The following ARSB variants were observed in gnomAD, a reference collection of about 807,000 sequenced individuals.
ARSB encodes N-acetylgalactosamine-4-sulfatase.
ARSB carries 41 observed loss-of-function variants against 50.9 expected under a neutral mutation model. The ratio of observed to expected loss-of-function variants is 0.81; its 90% CI spans 0.63 to 1.04. The LOEUF is 1.04. Ranked by LOEUF, ARSB falls within the 50% of genes least tolerant of loss-of-function variation. The pLI is 0.00. For missense variants in ARSB, 672 were observed against 693.3 expected (o/e 0.97, Z 0.35); for synonymous variants, 269 against 284.8 (o/e 0.94, Z 0.56).
intron 5 of ARSB, among the ~76,000 whole-genome samples, chr5:78,864,770 T>A (rs1746626663): frequency 6.6e-6 from 1 of 152,154 alleles, no homozygotes; most frequent in African/African-American, 2.4e-5. Context: ...GATACAGACA[T>A]TGGGTAAATC....
chr5:78,866,270 A>G (rs1746728021), intron 5 of ARSB, among the ~76,000 whole-genome samples: 1 of 152,134 alleles, frequency 6.6e-6, no homozygotes, highest in East Asian at 1.9e-4. Flanking sequence ...GTTTTACATG[A>G]ATGGCAGCAG....
chr5:78,834,556 A>G (rs1459946230), intron 6 of ARSB, among the ~76,000 whole-genome samples: 1 of 144,740 alleles, frequency 6.9e-6, no homozygotes, highest in East Asian at 2.0e-4. Flanking sequence ...AGCATGTATT[A>G]GAATTTCTTT....
chr5:78,792,077 C>T (rs12108732), intron 6 of ARSB, among the ~76,000 whole-genome samples: 4,393 of 152,020 alleles, frequency 0.029, 204 homozygotes, highest in African/African-American at 0.099. Flanking sequence ...TTTAAGAAAG[C>T]TTATGAATTT....
At chr5:78,854,642 T>C (rs1438870119) in intron 5 of ARSB, among the ~76,000 whole-genome samples, 1 of 152,250 alleles carries the variant, frequency 6.6e-6, no homozygotes, top group Non-Finnish European at 1.5e-5. Flanking sequence ...CTTGTTTCTC[T>C]TTCTCCTTTG....
intron 5 of ARSB, among the ~76,000 whole-genome samples, chr5:78,862,272 G>T (rs919680490): frequency 6.6e-6 from 1 of 152,086 alleles, no homozygotes; most frequent in Non-Finnish European, 1.5e-5. Flanking sequence ...CTACTTTAAA[G>T]TTCAGATGGA....
chr5:78,899,793 T>A (rs1433015151), intron 4 of ARSB, among the ~76,000 whole-genome samples: 1 of 152,214 alleles, frequency 6.6e-6, no homozygotes, highest in Non-Finnish European at 1.5e-5. Flanking sequence ...CAGAAGCTAA[T>A]AGTCGCCATC....
At chr5:78,842,099 C>CCA (rs56103705) in intron 5 of ARSB, among the ~76,000 whole-genome samples, 12,230 of 149,606 alleles carry the variant, frequency 0.082, 1,125 homozygotes, top group African/African-American at 0.22. Context: ...CCCTCCACCA[C>CCA]CACACACACA....
chr5:78,985,526 C>G (rs1343267411), upstream of ARSB: 1 of 258,964 alleles, frequency 3.9e-6, no homozygotes, highest in Non-Finnish European at 7.2e-6. Flanking sequence ...GGCCCGTTAT[C>G]TTCCCCGGCA....
intron 4 of ARSB, among the ~76,000 whole-genome samples, chr5:78,946,722 C>A (rs756986208): frequency 1.3e-5 from 2 of 152,108 alleles, no homozygotes; most frequent in Admixed American, 1.3e-4. Flanking sequence ...TCTACAGATT[C>A]AATGCAATCC....
intron 4 of ARSB, among the ~76,000 whole-genome samples, chr5:78,940,358 T>C (rs1219287317): frequency 6.6e-6 from 1 of 152,236 alleles, no homozygotes; most frequent in East Asian, 1.9e-4. Flanking sequence ...TCCTTGCCCA[T>C]GCCTATGTCC....
intron 1 of ARSB, among the ~76,000 whole-genome samples, chr5:78,976,834 G>A (rs1418007870): frequency 6.6e-6 from 1 of 152,146 alleles, no homozygotes; most frequent in Admixed American, 6.5e-5. Context: ...TTTAATGGGT[G>A]GGCAGCATTA....
At position 78,969,157 on chromosome 5, in the gene ARSB, G is replaced by A. The variant is rs769942372; in HGVS notation, c.348C>T (p.Pro116=). The change falls in exon 2 of 8, where the codon CCC becomes CCT. Residue 116 remains proline (P), a synonymous_variant. Transcript: ENST00000264914. The part of the protein sequence containing the change: ...RTGLQHQIIW[P]CQPSCVPLDE... ...CCAGAGGAACACAGCTGGGCTGACA[G>A]GGCCAGATTATTTGGTGCTGTAAAC... The A allele has an allele frequency of 6.2e-7, 1 of 1,614,184 alleles. No homozygotes were observed. Among genetic ancestry groups the A allele is most frequent in the East Asian group, 2.2e-5 (1 of 44,880 alleles).
intron 6 of ARSB, among the ~76,000 whole-genome samples, chr5:78,812,061 C>T (rs1743828434): frequency 6.6e-6 from 1 of 152,156 alleles, no homozygotes; most frequent in Admixed American, 6.5e-5. Flanking sequence ...GTGCCACATC[C>T]TTGCATGTGC....
At chr5:78,930,882 C>G (rs1015086293) in intron 4 of ARSB, among the ~76,000 whole-genome samples, 5 of 152,226 alleles carry the variant, frequency 3.3e-5, no homozygotes, top group Admixed American at 2.6e-4. Flanking sequence ...GGTCCCCCAC[C>G]AAGAGCTTAG....
At chr5:78,850,824 T>C (rs942019186) in intron 5 of ARSB, among the ~76,000 whole-genome samples, 1 of 152,252 alleles carries the variant, frequency 6.6e-6, no homozygotes, top group Non-Finnish European at 1.5e-5. Context: ...CCGTTTCTTC[T>C]AGATTTTCTA....
At chr5:78,981,596 T>C (rs1234746269) in intron 1 of ARSB, among the ~76,000 whole-genome samples, 2 of 152,218 alleles carry the variant, frequency 1.3e-5, no homozygotes, top group Non-Finnish European at 2.9e-5. Flanking sequence ...TAGAGTTAAA[T>C]TAATTTAGAG....
intron 1 of ARSB, among the ~76,000 whole-genome samples, chr5:78,983,618 G>A (rs1052555758): frequency 1.3e-5 from 2 of 152,156 alleles, no homozygotes; most frequent in Non-Finnish European, 2.9e-5. Flanking sequence ...GCCAAGGTCA[G>A]AACCGCCAAA....
chr5:78,961,486 G>T (rs189273219), intron 3 of ARSB, among the ~76,000 whole-genome samples: 29 of 152,208 alleles, frequency 1.9e-4, no homozygotes, highest in Non-Finnish European at 3.1e-4. Flanking sequence ...TACGAACAGC[G>T]GCTATGGTAA....
chr5:78,970,763 G>A (rs62377891), intron 1 of ARSB, among the ~76,000 whole-genome samples: 28,548 of 152,100 alleles, frequency 0.19, 2,919 homozygotes, highest in Admixed American at 0.27. Flanking sequence ...AGACCAGCCT[G>A]GGCAACATGC....
Sources: gnomAD v4.1 joint callset for allele counts (sites outside exome capture counted in the v4.1 genomes callset) on GRCh38, gnomAD v4.1.1 for gene constraint, MANE v1.5 for transcripts, NCBI Gene and HGNC (gene_info 2026-07-23, HGNC 2026-07-21) for gene names.